SLC24A2: variants seen among roughly 807,000 people sequenced by gnomAD.
SLC24A2 encodes sodium/potassium/calcium exchanger 2.
In SLC24A2, 36 loss-of-function variants were observed where a neutral mutation model predicts 62.0. The ratio of observed to expected loss-of-function variants is 0.58; its 90% CI spans 0.44 to 0.77. The LOEUF is 0.77. SLC24A2 is among the 30% of genes least tolerant of loss of function. The probability of loss-of-function intolerance (pLI) is 0.00; values close to 1 mark genes in which losing one functional copy is unlikely to be tolerated. For missense variants in SLC24A2, 846 were observed against 817.9 expected (o/e 1.03, Z -0.42); for synonymous variants, 358 against 294.0 (o/e 1.22, Z -2.23).
intron 2 of SLC24A2, among the ~76,000 whole-genome samples, chr9:19,631,768 T>C (rs1818185840): frequency 6.6e-6 from 1 of 152,132 alleles, no homozygotes; most frequent in Non-Finnish European, 1.5e-5. Context: ...GGAAACCATT[T>C]GACTAATACA....
At chr9:19,885,916 A>C in the SLC24A2 span, among the ~76,000 whole-genome samples, 2 of 152,156 alleles carry the variant, frequency 1.3e-5, no homozygotes, top group Non-Finnish European at 2.9e-5. Context: ...TGTTGCCGTA[A>C]AGGACACAAT....
At chr9:20,077,016 G>A in the SLC24A2 span, among the ~76,000 whole-genome samples, 1 of 150,924 alleles carries the variant, frequency 6.6e-6, no homozygotes, top group Non-Finnish European at 1.5e-5. Flanking sequence ...GACATGGAAG[G>A]CCTTCAGCTA....
the SLC24A2 span, among the ~76,000 whole-genome samples, chr9:20,000,646 T>A: frequency 1.3e-5 from 2 of 152,202 alleles, no homozygotes; most frequent in South Asian, 4.1e-4. Flanking sequence ...AGTCTCCATA[T>A]CTGCCACATT....
intron 2 of SLC24A2, among the ~76,000 whole-genome samples, chr9:19,706,313 G>A (rs1457483077): frequency 6.6e-6 from 1 of 150,736 alleles, no homozygotes; most frequent in Non-Finnish European, 1.5e-5. Context: ...CTTTTATATT[G>A]AGCCTATGTG....
the SLC24A2 span, among the ~76,000 whole-genome samples, chr9:19,865,276 A>G: frequency 0.47 from 71,403 of 151,958 alleles, 19,316 homozygotes; most frequent in Non-Finnish European, 0.6. Flanking sequence ...ATCTACAGAT[A>G]CAATGCAATT....
At chr9:20,046,855 T>C in the SLC24A2 span, among the ~76,000 whole-genome samples, 9 of 152,228 alleles carry the variant, frequency 5.9e-5, no homozygotes, top group African/African-American at 1.4e-4. Flanking sequence ...TAAAACAGTT[T>C]TCTTCCTAGT....
chr9:20,250,783 A>T, the SLC24A2 span, among the ~76,000 whole-genome samples: 2 of 152,216 alleles, frequency 1.3e-5, no homozygotes, highest in South Asian at 4.1e-4. Flanking sequence ...AAATTTCCCA[A>T]TTATTTAATA....
chr9:19,524,617 T>G (rs577333498), intron 9 of SLC24A2, among the ~76,000 whole-genome samples: 1 of 152,360 alleles, frequency 6.6e-6, no homozygotes, highest in South Asian at 2.1e-4. Context: ...CTAGACTTCT[T>G]GGAACAGAAT....
At chr9:19,563,939 T>C (rs999833579) in intron 7 of SLC24A2, among the ~76,000 whole-genome samples, 2 of 150,318 alleles carry the variant, frequency 1.3e-5, no homozygotes, top group African/African-American at 4.9e-5. Flanking sequence ...TTGCAGCCTC[T>C]GCCTCCTGGG....
chr9:19,940,409 G>A, the SLC24A2 span, among the ~76,000 whole-genome samples: 1 of 152,280 alleles, frequency 6.6e-6, no homozygotes, highest in Admixed American at 6.5e-5. Context: ...GCCTAGAGGT[G>A]GGCTCCCTTC....
the SLC24A2 span, among the ~76,000 whole-genome samples, chr9:20,115,437 CT>C: frequency 6.6e-6 from 1 of 152,076 alleles, no homozygotes; most frequent in African/African-American, 2.4e-5. Context: ...ACAAGGGAAA[CT>C]TAGAAAGACC....
At chr9:20,075,712 T>C in the SLC24A2 span, among the ~76,000 whole-genome samples, 2 of 152,192 alleles carry the variant, frequency 1.3e-5, no homozygotes. Flanking sequence ...GGGGATACAC[T>C]TGCACTACTG....
chr9:19,666,142 A>C lies in SLC24A2; in HGVS notation c.931-43843T>G, dbSNP rs140392634. Among the ~76,000 whole-genome samples the C allele has an allele frequency of 5.3e-3, 804 of 152,314 alleles. 52 individuals are homozygous for C. The East Asian group carries it at 0.13, about 24-fold the overall frequency. ...TATTATTGGCCAGGCACAGTGGCTC[A>C]CATCTGTAATCCCAGCACTTTGAGA... On this transcript the variant is annotated intron_variant, in intron 2 of 10. Transcript: ENST00000341998.
chr9:19,960,405 G>T, the SLC24A2 span, among the ~76,000 whole-genome samples: 1 of 151,846 alleles, frequency 6.6e-6, no homozygotes, highest in African/African-American at 2.4e-5. Flanking sequence ...CTGTGCATTC[G>T]TGTGTAATGA....
At chr9:19,642,671 CTTTTTTTTT>C (rs71335440) in intron 2 of SLC24A2, among the ~76,000 whole-genome samples, 3 of 79,850 alleles carry the variant, frequency 3.8e-5, no homozygotes, top group Admixed American at 1.4e-4. Context: ...AGAGCGTATT[CTTTTTTTTT>C]TTTTTTTTTT....
At chr9:19,601,102 G>C (rs1208930552) in intron 4 of SLC24A2, among the ~76,000 whole-genome samples, 1 of 151,970 alleles carries the variant, frequency 6.6e-6, no homozygotes, top group Non-Finnish European at 1.5e-5. Context: ...TAGCTAGCAA[G>C]GGGATTGTAA....
chr9:19,947,808 A>AAAAAAAAAAAAG, the SLC24A2 span, among the ~76,000 whole-genome samples: 1 of 59,226 alleles, frequency 1.7e-5, no homozygotes, highest in Non-Finnish European at 3.1e-5. Context: ...AAAAAAAAAA[A>AAAAAAAAAAAAG]AAAGAAAGAA....
At chr9:20,201,578 A>T in the SLC24A2 span, among the ~76,000 whole-genome samples, 5 of 152,250 alleles carry the variant, frequency 3.3e-5, no homozygotes, top group Non-Finnish European at 7.3e-5. Flanking sequence ...GTGACTTAAT[A>T]GAATAGGTAT....
At chr9:20,307,731 A>G in the SLC24A2 span, among the ~76,000 whole-genome samples, 1 of 152,150 alleles carries the variant, frequency 6.6e-6, no homozygotes, top group Non-Finnish European at 1.5e-5. Flanking sequence ...CTGGAAACCA[A>G]ATCTAGGCTC....
Sources: allele counts gnomAD v4.1 joint callset (sites outside exome capture counted in the v4.1 genomes callset), GRCh38; gene constraint gnomAD v4.1.1; transcripts MANE v1.5; gene names NCBI Gene and HGNC (gene_info 2026-07-23, HGNC 2026-07-21).